The following CDIP1 variants were observed in gnomAD, a reference collection of about 807,000 sequenced individuals.
CDIP1 encodes the protein cell death inducing p53 target 1.
In CDIP1, 9 loss-of-function variants were observed where a neutral mutation model predicts 17.7. That is an observed-to-expected ratio of 0.51 (90% CI 0.31 to 0.89). The LOEUF (loss-of-function observed/expected upper bound fraction) is 0.89. Ranked by LOEUF, CDIP1 falls within the 40% of genes least tolerant of loss-of-function variation. CDIP1 has a pLI of 0.05. For missense variants in CDIP1, 263 were observed against 277.9 expected (o/e 0.95, Z 0.38); for synonymous variants, 117 against 109.5 (o/e 1.07, Z -0.43).
chr16:4,533,831 C>G (rs957819925), intron 1 of CDIP1, among the ~76,000 whole-genome samples: 3 of 152,160 alleles, frequency 2.0e-5, no homozygotes, highest in African/African-American at 7.2e-5. Flanking sequence ...TGTCTTATCT[C>G]CCCTCAAGAA....
rs899731712 is a variant in CDIP1, at chr16:4,513,145, C to A, written c.242-81G>T. On this transcript the variant is annotated intron_variant, in intron 4 of 5. Coordinates refer to ENST00000567695, the MANE Select transcript of CDIP1 (RefSeq NM_013399.3). This position sits in a 1 kb window ranked among gnomAD's most constrained non-coding sequence, Gnocchi z 4.1. ...ACAAAGAGATTGGCGCAAAGCCCCA[C>A]GGTCCACAGCGCCCAGCGTGCAAGG... is the stretch of plus-strand genomic sequence containing the variant. 3.0e-6 allele frequency: 4 copies of A among 1,355,586 alleles called. No homozygotes were observed. The highest frequency in any genetic ancestry group is 3.9e-6 in the Non-Finnish European group (4 of 1,016,480). 84.0% of individuals were successfully genotyped at this position (1,355,586 alleles called of 1,614,324 possible). A position where few individuals can be genotyped will look rare whatever the true frequency, so the allele number is the denominator to read the frequency against.
intron 1 of CDIP1, chr16:4,538,455 A>AC (rs2059134187): frequency 2.7e-5 from 1 of 37,558 alleles, no homozygotes; most frequent in Non-Finnish European, 6.1e-5. Context: ...CCCACCGCCC[A>AC]CCCCACCGCC....
chr16:4,531,819 TCA>T (rs1299636405), intron 1 of CDIP1, among the ~76,000 whole-genome samples: 2 of 152,238 alleles, frequency 1.3e-5, no homozygotes, highest in African/African-American at 4.8e-5. Context: ...ATAAAGTGCT[TCA>T]CACAGTGTAG....
chr16:4,516,686 C>CAGTTTTAA (rs2058891248), intron 1 of CDIP1, among the ~76,000 whole-genome samples: 2 of 142,168 alleles, frequency 1.4e-5, no homozygotes, highest in Admixed American at 1.4e-4. Context: ...GCTGTCCTGA[C>CAGTTTTAA]AGTTTTAAAT....
intron 1 of CDIP1, among the ~76,000 whole-genome samples, chr16:4,537,446 A>C (rs2059119921): frequency 2.0e-5 from 3 of 152,320 alleles, no homozygotes; most frequent in East Asian, 3.9e-4. Flanking sequence ...TTCTACCTAG[A>C]TCGGCCCCAA....
rs1329555027 is a variant in CDIP1 at position 4,511,519 on chromosome 16, C to A, written c.*1053G>T. ...GAGGCTGGTGTCCACCAAGGCAGTT[C>A]TACCACTTGTGGCTGCTCCTTCCTC... is the stretch of plus-strand genomic sequence containing the variant. On this transcript the variant is annotated 3_prime_UTR_variant, in exon 6 of 6. Coordinates refer to ENST00000567695, the MANE Select transcript of CDIP1 (RefSeq NM_013399.3). 1 of 152,466 alleles carries A rather than the reference C, an allele frequency of 6.6e-6. No homozygotes were observed. Among genetic ancestry groups the A allele is most frequent in the Admixed American group, 6.5e-5 (1 of 15,286 alleles). The allele number at this position is 152,466 out of a possible 1,614,324, so 9.4% of individuals were successfully genotyped here. A position where few individuals can be genotyped will look rare whatever the true frequency, so the allele number is the denominator to read the frequency against.
chr16:4,522,057 T>C (rs1299768784), intron 1 of CDIP1, among the ~76,000 whole-genome samples: 1 of 152,232 alleles, frequency 6.6e-6, no homozygotes, highest in African/African-American at 2.4e-5. Context: ...GCATGTTCAC[T>C]AATATGACTA....
At position 4,512,595 on chromosome 16, in the gene CDIP1, A is replaced by C. The variant is rs1484842265; in HGVS notation, c.604T>G (p.Tyr202Asp). ...CGTTAGCACAGGCGCTTGTACGTGTAGATGTAGGCTTTGCAGCTGGGGCAT... is the reference window on the plus strand; with the variant it reads ...CGTTAGCACAGGCGCTTGTACGTGTCGATGTAGGCTTTGCAGCTGGGGCAT... Reference protein sequence around the residue: ...HTCPSCKAYIYTYKRLC With the variant: ...HTCPSCKAYIDTYKRLC Residue 202 changes from tyrosine to aspartate, a missense_variant, in exon 6 of 6, where the codon TAC becomes GAC. Tyr to Asp is a radical substitution (Grantham distance 160, BLOSUM62 -3). Coordinates refer to ENST00000567695, the MANE Select transcript of CDIP1 (RefSeq NM_013399.3). The surrounding 1 kb of genome is among the most constrained non-coding windows in gnomAD (Gnocchi z 4.6). 6.2e-7 allele frequency: 1 copy of C among 1,613,834 alleles called. No individual in the cohort carries two copies. The highest frequency in any genetic ancestry group is 1.7e-5 in the Admixed American group (1 of 60,026).
Position 4,514,181 on chromosome 16 carries a change from TC to T in CDIP1, c.-14-38del, listed in dbSNP as rs904087512. 1.6e-6 allele frequency: 2 copies of T among 1,239,328 alleles called. No homozygotes were observed. The highest frequency in any genetic ancestry group is 3.0e-5 in the Admixed American group (1 of 33,192). The allele number at this position is 1,239,328 out of a possible 1,614,324, so 76.8% of individuals were successfully genotyped here. A position where few individuals can be genotyped will look rare whatever the true frequency, so the allele number is the denominator to read the frequency against. On this transcript the variant is annotated intron_variant, in intron 2 of 5. Transcript: ENST00000567695. This position sits in a 1 kb window ranked among gnomAD's most constrained non-coding sequence, Gnocchi z 5.2. Reference sequence around the variant, plus strand: ...GGGAAAACCCAGACATGAACTAAGCTCCCAGCCAGGTTCCTTCTCCTTCAGC... The same window carrying T: ...GGGAAAACCCAGACATGAACTAAGCTCCAGCCAGGTTCCTTCTCCTTCAGC...
At chr16:4,519,267 CAT>C (rs149211155) in intron 1 of CDIP1, among the ~76,000 whole-genome samples, 73 of 152,316 alleles carry the variant, frequency 4.8e-4, no homozygotes, top group African/African-American at 1.5e-3. Context: ...TGTGGCAAAA[CAT>C]GTGGGGGTTT....
At chr16:4,528,683 CAAAAAAAAAAAA>C (rs374609894) in intron 1 of CDIP1, among the ~76,000 whole-genome samples, 1 of 50,936 alleles carries the variant, frequency 2.0e-5, no homozygotes, top group Non-Finnish European at 3.3e-5. Flanking sequence ...AACCCTGTCT[CAAAAAAAAAAAA>C]AAAAAAAAAA....
At position 4,538,723 on chromosome 16, in the gene CDIP1, G is replaced by A. The variant is rs987419365; in HGVS notation, c.-126C>T. On this transcript the variant is annotated 5_prime_UTR_variant, in exon 1 of 6. Transcript: ENST00000567695. The stretch of plus-strand genomic sequence containing the variant: ...TCACCGTCCCCGCAGCCCTGGGGCA[G>A]CGGCCGCAACAGCAGGACCGAACGC... The A allele has an allele frequency of 6.6e-6, 1 of 152,280 alleles. No individual in the cohort carries two copies. Among genetic ancestry groups the A allele is most frequent in the African/African-American group, 2.4e-5 (1 of 41,468 alleles). 9.4% of individuals were successfully genotyped at this position (152,280 alleles called of 1,614,324 possible). A position where few individuals can be genotyped will look rare whatever the true frequency, so the allele number is the denominator to read the frequency against.
At chr16:4,533,407 G>A (rs1481632404) in intron 1 of CDIP1, 2 of 152,306 alleles carry the variant, frequency 1.3e-5, no homozygotes, top group African/African-American at 2.4e-5. Flanking sequence ...GTTAGTGGGT[G>A]GATGGGCTGC....
intron 1 of CDIP1, among the ~76,000 whole-genome samples, chr16:4,518,154 G>A (rs2058907377): frequency 6.6e-6 from 1 of 151,334 alleles, no homozygotes; most frequent in Non-Finnish European, 1.5e-5. Flanking sequence ...CTTGCAGGGA[G>A]CACACACACA....
chr16:4,525,902 A>G (rs1012181906), intron 1 of CDIP1, among the ~76,000 whole-genome samples: 6 of 152,226 alleles, frequency 3.9e-5, no homozygotes, highest in Admixed American at 2.0e-4. Context: ...CCTCCCTCAG[A>G]TAACATCGCG....
chr16:4,530,186 A>C (rs1377692769), intron 1 of CDIP1, among the ~76,000 whole-genome samples: 1 of 152,326 alleles, frequency 6.6e-6, no homozygotes, highest in Admixed American at 6.5e-5. Context: ...AGGAACTGAG[A>C]GTGGGAATCT....
At chr16:4,528,444 C>T (rs1328056242) in intron 1 of CDIP1, among the ~76,000 whole-genome samples, 1 of 152,146 alleles carries the variant, frequency 6.6e-6, no homozygotes, top group Non-Finnish European at 1.5e-5. Flanking sequence ...TGTAAGTACA[C>T]ATACAGAAAC....
intron 1 of CDIP1, among the ~76,000 whole-genome samples, chr16:4,534,690 G>T (rs866321836): frequency 1.5e-4 from 20 of 130,404 alleles, no homozygotes; most frequent in African/African-American, 2.6e-4. Context: ...TGTTTGCATG[G>T]TTTTTTTTTT....
chr16:4,523,385 G>A (rs112871006), intron 1 of CDIP1, among the ~76,000 whole-genome samples: 3 of 152,218 alleles, frequency 2.0e-5, no homozygotes, highest in African/African-American at 7.2e-5. Context: ...GTGGTGGCAC[G>A]TGCCTGTAAT....
Sources: gnomAD v4.1 joint callset for allele counts (sites outside exome capture counted in the v4.1 genomes callset) on GRCh38, gnomAD v4.1.1 for gene constraint, Gnocchi (gnomAD v3.1) non-coding constraint, MANE v1.5 for transcripts, NCBI Gene and HGNC (gene_info 2026-07-23, HGNC 2026-07-21) for gene names.